PLXNA2: variants seen among roughly 807,000 people sequenced by gnomAD.
PLXNA2 encodes plexin-A2.
In PLXNA2, 91 loss-of-function variants were observed where a neutral mutation model predicts 193.5. The ratio of observed to expected loss-of-function variants is 0.47; its 90% CI spans 0.40 to 0.56. PLXNA2 has a LOEUF of 0.56. PLXNA2 is among the 20% of genes least tolerant of loss of function. The pLI, the probability that PLXNA2 is intolerant of heterozygous loss-of-function variation, is 0.00. For missense variants in PLXNA2, 1,995 were observed against 2,503.2 expected, an observed-to-expected ratio of 0.80 and a Z score of 4.33; for synonymous variants, 997 against 1,027.3, an observed-to-expected ratio of 0.97 and a Z score of 0.56.
intron 1 of PLXNA2, among the ~76,000 whole-genome samples, chr1:208,234,171 G>C (rs1310184045): frequency 6.6e-6 from 1 of 152,110 alleles, no homozygotes; most frequent in African/African-American, 2.4e-5. Flanking sequence ...CCTAGCAATT[G>C]GAGGGCAGTG....
chr1:208,127,847 G>A (rs1421961126), intron 4 of PLXNA2, among the ~76,000 whole-genome samples: 1 of 152,216 alleles, frequency 6.6e-6, no homozygotes, highest in Non-Finnish European at 1.5e-5. Flanking sequence ...AGAATCTGCA[G>A]TAGAAATCCC....
chr1:208,173,893 C>A (rs1175031778), intron 3 of PLXNA2, among the ~76,000 whole-genome samples: 1 of 152,262 alleles, frequency 6.6e-6, no homozygotes, highest in African/African-American at 2.4e-5. Context: ...GCTTGCTCGA[C>A]TTTCATTTCC....
At chr1:208,142,950 G>T (rs1668499295) in intron 3 of PLXNA2, among the ~76,000 whole-genome samples, 1 of 152,164 alleles carries the variant, frequency 6.6e-6, no homozygotes, top group Admixed American at 6.5e-5. Flanking sequence ...AAAGATTTTT[G>T]GATCCCAGGA....
chr1:208,051,201 T>C (rs2102334507), intron 16 of PLXNA2, 55 bp downstream of exon 16: 1 of 1,594,484 alleles, frequency 6.3e-7, no homozygotes, highest in East Asian at 2.2e-5. Flanking sequence ...AGACTTGGGC[T>C]GCAGGGATCA....
intron 3 of PLXNA2, among the ~76,000 whole-genome samples, chr1:208,199,517 C>G (rs887000676): frequency 7.9e-5 from 12 of 152,002 alleles, no homozygotes; most frequent in African/African-American, 2.9e-4. Flanking sequence ...ATGTTGAAAC[C>G]CCGTCTCTAC....
In PLXNA2 at chr1:208,051,119, G is replaced by C; in HGVS notation, c.3162-17C>G. 2.5e-6 allele frequency: 4 copies of C among 1,608,830 alleles called. No homozygotes were observed. Among genetic ancestry groups the C allele is most frequent in the Non-Finnish European group, 3.4e-6 (4 of 1,175,280 alleles). On this transcript the variant is annotated splice_polypyrimidine_tract_variant and intron_variant, in intron 16 of 31. Coordinates refer to ENST00000367033, the MANE Select transcript of PLXNA2 (RefSeq NM_025179.4). ...GTGTGGCCACTGAAAACAGGCAGAG[G>C]CTCGGTTAGGTAAAAAACCCCCTCA...
Position 208,027,282 on chromosome 1 carries a change from C to T in PLXNA2, c.5646G>A (p.Lys1882=). 2 of 1,613,738 alleles carry T rather than the reference C, an allele frequency of 1.2e-6. No individual in the cohort carries two copies. Among genetic ancestry groups the T allele is most frequent in the Non-Finnish European group, 8.5e-7 (1 of 1,179,998 alleles). ...ACATGGCATTAATGAGCTGCTCCAC[C>T]TTATAAGCCAGCCGCTGCCGCCGTG... ...EQARRQRLAY[K]VEQLINAMSI... is the part of the protein sequence containing the mutation. Residue 1882 remains lysine, a synonymous_variant, in exon 32 of 32, where the codon AAG becomes AAA. Transcript: ENST00000367033.
At chr1:208,170,523 C>G (rs1180670415) in intron 3 of PLXNA2, among the ~76,000 whole-genome samples, 1 of 152,184 alleles carries the variant, frequency 6.6e-6, no homozygotes, top group Non-Finnish European at 1.5e-5. Context: ...CCTGCCAGAG[C>G]CGGGGCATGA....
rs1046940729 is a variant in PLXNA2, at chr1:208,038,571, G to A, written c.4661-97C>T. 11 of 1,000,386 alleles carry A rather than the reference G, an allele frequency of 1.1e-5. No individual in the cohort carries two copies. The highest frequency in any genetic ancestry group is 2.7e-4 in the Middle Eastern group (1 of 3,654). 62.0% of individuals were successfully genotyped at this position (1,000,386 alleles called of 1,614,324 possible). A position where few individuals can be genotyped will look rare whatever the true frequency, so the allele number is the denominator to read the frequency against. On this transcript the variant is annotated intron_variant, in intron 25 of 31. Transcript: ENST00000367033. This position sits in a 1 kb window ranked among gnomAD's most constrained non-coding sequence, Gnocchi z 4.1. ...ACCTTCTCTAGGGACCTGGCAACCC[G>A]GCCCCCTCAAGCTGGTACCAATAAC... is the stretch of plus-strand genomic sequence containing the variant.
rs796775648 is a variant in PLXNA2 at position 208,032,702 on chromosome 1, G to C, written c.5055+617C>G. On this transcript the variant is annotated intron_variant, in intron 28 of 31. Transcript: ENST00000367033. ...GAAGCCTCACTTCCATCAACATTTGGGGGTAGCTGGGGTGGGATGGGATGG... is the reference window on the plus strand; with the variant it reads ...GAAGCCTCACTTCCATCAACATTTGCGGGTAGCTGGGGTGGGATGGGATGG... 5.9e-5 allele frequency among the ~76,000 whole-genome samples: 9 copies of C among 152,260 alleles called. 1 individual carries two copies. The highest frequency in any genetic ancestry group is 5.8e-4 in the East Asian group (3 of 5,178).
rs150980258 is a variant in PLXNA2, at chr1:208,166,971, G to T, written c.1372-24508C>A. 1.1e-4 allele frequency among the ~76,000 whole-genome samples: 17 copies of T among 152,258 alleles called. No homozygotes were observed. The East Asian group carries it at 3.1e-3, about 28-fold the overall frequency. On this transcript the variant is annotated intron_variant, in intron 3 of 31. Coordinates refer to ENST00000367033, the MANE Select transcript of PLXNA2 (RefSeq NM_025179.4). ...ACTCCGCACCTGAGTCTGCACCTGG[G>T]GCTACTGAATGAGAGAGGGAGTTCC... is the stretch of plus-strand genomic sequence containing the variant.
Position 208,042,062 on chromosome 1 carries a change from C to T in PLXNA2, c.4286+36G>A, listed in dbSNP as rs560446378. On this transcript the variant is annotated intron_variant, in intron 22 of 31. Transcript: ENST00000367033. ...GAGGTGCTCTGTCCAGGTTCAGACTCCTGCCACCCTCTCCACCCACTGCTG... is the reference window on the plus strand; with the variant it reads ...GAGGTGCTCTGTCCAGGTTCAGACTTCTGCCACCCTCTCCACCCACTGCTG... 3 of 1,603,054 alleles carry T rather than the reference C, an allele frequency of 1.9e-6. No individual in the cohort carries two copies. In the Admixed American group the frequency reaches 5.1e-5, roughly 27 times the overall value.
chr1:208,147,556 C>T (rs1169318843), intron 3 of PLXNA2, among the ~76,000 whole-genome samples: 1 of 152,238 alleles, frequency 6.6e-6, no homozygotes, highest in African/African-American at 2.4e-5. Flanking sequence ...GTGCTACGTG[C>T]TGTCACAGTA....
In PLXNA2 at chr1:208,046,005, A is replaced by G; in HGVS notation, c.3368T>C (p.Phe1123Ser). 6.2e-7 allele frequency: 1 copy of G among 1,614,256 alleles called. No homozygotes were observed. Among genetic ancestry groups the G allele is most frequent in the Non-Finnish European group, 8.5e-7 (1 of 1,180,046 alleles). Residue 1123 changes from phenylalanine (F) to serine (S), a missense_variant, in exon 18 of 32, where the codon TTT (phenylalanine) becomes TCT (serine). This residue lies in a region of PLXNA2 where 1,291 missense variants were observed against 1,673.6 expected (regional missense o/e 0.77). Coordinates refer to ENST00000367033, the MANE Select transcript of PLXNA2 (RefSeq NM_025179.4). ...AATTAGCAAGGATTGGACATTGTTA[A>G]AGACAAATCCAAACTCATCTGGGCG... The part of the protein sequence containing the change: ...VERPDEFGFV[F>S]NNVQSLLIYN...
intron 4 of PLXNA2, among the ~76,000 whole-genome samples, chr1:208,125,848 C>T (rs1459454038): frequency 6.6e-6 from 1 of 152,168 alleles, no homozygotes; most frequent in African/African-American, 2.4e-5. Context: ...GGGGAAGACA[C>T]CACATGGATA....
At chr1:208,083,183 G>A (rs1342243905) in intron 10 of PLXNA2, among the ~76,000 whole-genome samples, 3 of 152,090 alleles carry the variant, frequency 2.0e-5, no homozygotes, top group Admixed American at 6.5e-5. Context: ...ACAGCTTTCC[G>A]GACACAGACC....
chr1:208,193,947 A>AT (rs930830755), intron 3 of PLXNA2, among the ~76,000 whole-genome samples: 2 of 151,796 alleles, frequency 1.3e-5, no homozygotes, highest in African/African-American at 2.4e-5. Flanking sequence ...TATTAAAAAA[A>AT]TTTTTTTTAT....
chr1:208,153,737 G>A (rs1668845561), intron 3 of PLXNA2, among the ~76,000 whole-genome samples: 1 of 152,190 alleles, frequency 6.6e-6, no homozygotes, highest in African/African-American at 2.4e-5. Flanking sequence ...GGGAGGGAAG[G>A]GAAGTCAAGC....
At chr1:208,047,615 C>T (rs933473618) in intron 17 of PLXNA2, among the ~76,000 whole-genome samples, 6 of 152,232 alleles carry the variant, frequency 3.9e-5, no homozygotes, top group African/African-American at 9.6e-5. Context: ...AGTGGGGTCC[C>T]GGCAACAGCC....
Sources: allele counts gnomAD v4.1 joint callset (sites outside exome capture counted in the v4.1 genomes callset), GRCh38; gene constraint gnomAD v4.1.1; regional missense constraint gnomAD v4.1.1; non-coding constraint Gnocchi (gnomAD v3.1); transcripts MANE v1.5; gene names NCBI Gene and HGNC (gene_info 2026-07-23, HGNC 2026-07-21).